CCDC85A: variants seen among roughly 807,000 people sequenced by gnomAD.
CCDC85A encodes the protein coiled-coil domain-containing protein 85A.
Under a neutral mutation model 50.2 loss-of-function variants are expected in CCDC85A, and 38 were observed. The observed-to-expected ratio is 0.76, with a 90% CI of 0.58 to 0.99. CCDC85A has a LOEUF of 0.99. CCDC85A is among the 50% of genes least tolerant of loss of function. The pLI is 0.00. For synonymous variants in CCDC85A, 366 were observed against 301.4 expected, an observed-to-expected ratio of 1.21 and a Z score of -2.22; for missense variants, 820 against 742.0, an observed-to-expected ratio of 1.11 and a Z score of -1.22.
At chr2:56,189,089 C>G (rs1295946004) in intron 1 of CCDC85A, among the ~76,000 whole-genome samples, 1 of 152,104 alleles carries the variant, frequency 6.6e-6, no homozygotes, top group Admixed American at 6.5e-5. Flanking sequence ...AATCTCTCCT[C>G]TTAGGTTCAT....
intron 2 of CCDC85A, among the ~76,000 whole-genome samples, chr2:56,236,834 T>C (rs1443174489): frequency 2.0e-5 from 3 of 152,132 alleles, no homozygotes; most frequent in African/African-American, 7.2e-5. Flanking sequence ...CCATTATCCT[T>C]ATTCCTGTTC....
chr2:56,362,609 T>C (rs1675588159), intron 3 of CCDC85A, among the ~76,000 whole-genome samples: 1 of 151,934 alleles, frequency 6.6e-6, no homozygotes, highest in Non-Finnish European at 1.5e-5. Context: ...TCTTTTTTTC[T>C]TTTTAAGATG....
chr2:56,218,250 T>C (rs1668171393), intron 2 of CCDC85A, among the ~76,000 whole-genome samples: 1 of 151,896 alleles, frequency 6.6e-6, no homozygotes, highest in Admixed American at 6.6e-5. Context: ...AACTGGACAC[T>C]GTAATCTCCA....
intron 2 of CCDC85A, among the ~76,000 whole-genome samples, chr2:56,207,039 A>G (rs1436766258): frequency 6.6e-6 from 1 of 152,196 alleles, no homozygotes; most frequent in African/African-American, 2.4e-5. Flanking sequence ...GTGAAAATCA[A>G]TAAACTAATT....
At chr2:56,231,682 GTC>G in intron 2 of CCDC85A, among the ~76,000 whole-genome samples, 1 of 152,190 alleles carries the variant, frequency 6.6e-6, no homozygotes, top group South Asian at 2.1e-4. Flanking sequence ...CTTTAGACGG[GTC>G]TCTCTATAAT....
chr2:56,287,178 T>C (rs13382999), intron 2 of CCDC85A, among the ~76,000 whole-genome samples: 30,179 of 152,134 alleles, frequency 0.2, 4,044 homozygotes, highest in African/African-American at 0.38. Flanking sequence ...TCTTCACTTT[T>C]GTAACCCAGA....
intron 2 of CCDC85A, among the ~76,000 whole-genome samples, chr2:56,266,864 A>G (rs933726962): frequency 6.6e-6 from 1 of 152,146 alleles, no homozygotes; most frequent in South Asian, 2.1e-4. Context: ...AATCTTTAAA[A>G]TACGTTAGCA....
chr2:56,321,487 A>G (rs906744326), intron 2 of CCDC85A, among the ~76,000 whole-genome samples: 19 of 152,174 alleles, frequency 1.2e-4, no homozygotes, highest in African/African-American at 4.3e-4. Flanking sequence ...ACGCATTCCT[A>G]TGCACTAATA....
rs185134643 is a variant in CCDC85A, at chr2:56,269,622, C to A, written c.1241-73257C>A. Among the ~76,000 whole-genome samples, 26 of 152,270 alleles carry A rather than the reference C, an allele frequency of 1.7e-4. No homozygotes were observed. In the East Asian group the frequency reaches 5.0e-3, roughly 29 times the overall value. On this transcript the variant is annotated intron_variant, in intron 2 of 5. Transcript: ENST00000407595. ...AGGGTATGGCACTTTCCCTCACCAA[C>A]AACTCCATCTCTCAGGCTCACATTC... is the stretch of plus-strand genomic sequence containing the variant.
chr2:56,379,883 T>G, intron 5 of CCDC85A: 1 of 710,484 alleles, frequency 1.4e-6, no homozygotes, highest in Non-Finnish European at 1.7e-6. Flanking sequence ...TATTCTGTGT[T>G]GAAAGCCACA....
intron 3 of CCDC85A, among the ~76,000 whole-genome samples, chr2:56,355,430 CTCTTTGT>C (rs1157407746): frequency 6.6e-6 from 1 of 152,154 alleles, no homozygotes; most frequent in Non-Finnish European, 1.5e-5. Context: ...TTTGGGAGAA[CTCTTTGT>C]CCTCAAACTT....
chr2:56,373,425 A>G (rs926691458), intron 4 of CCDC85A, among the ~76,000 whole-genome samples: 1 of 152,122 alleles, frequency 6.6e-6, no homozygotes, highest in Non-Finnish European at 1.5e-5. Context: ...CCAGAACAGG[A>G]CTTTGTTTAC....
chr2:56,365,126 A>G (rs1675726823), intron 3 of CCDC85A, among the ~76,000 whole-genome samples: 1 of 152,204 alleles, frequency 6.6e-6, no homozygotes, highest in South Asian at 2.1e-4. Context: ...GGAAGATAGA[A>G]CTAATTTTAT....
At position 56,326,287 on chromosome 2, in the gene CCDC85A, G is replaced by T. The variant is rs373819629; in HGVS notation, c.1241-16592G>T. Among the ~76,000 whole-genome samples, 23 of 152,180 alleles carry T rather than the reference G, an allele frequency of 1.5e-4. No homozygotes were observed. In the East Asian group the frequency reaches 4.4e-3, roughly 29 times the overall value. On this transcript the variant is annotated intron_variant, in intron 2 of 5. Coordinates refer to ENST00000407595, the MANE Select transcript of CCDC85A (RefSeq NM_001080433.2). ...ATAAGAATATTTGCCTCTTAGTTTT[G>T]CAGTGAAGATTAAATACATGTAAAA...
intron 3 of CCDC85A, among the ~76,000 whole-genome samples, chr2:56,369,652 A>G (rs1024445870): frequency 3.9e-5 from 6 of 152,174 alleles, no homozygotes; most frequent in African/African-American, 9.6e-5. Flanking sequence ...GTTTCCAACA[A>G]ATAGTTCTTG....
chr2:56,292,380 G>C (rs538228979), intron 2 of CCDC85A, among the ~76,000 whole-genome samples: 2 of 152,236 alleles, frequency 1.3e-5, no homozygotes, highest in East Asian at 3.9e-4. Flanking sequence ...ACCACATCCG[G>C]CCTGAGTTGC....
chr2:56,262,459 G>A (rs546250311), intron 2 of CCDC85A, among the ~76,000 whole-genome samples: 4 of 152,150 alleles, frequency 2.6e-5, no homozygotes, highest in South Asian at 4.1e-4. Flanking sequence ...GCTTCTAAGG[G>A]TTTTCTCATG....
intron 2 of CCDC85A, among the ~76,000 whole-genome samples, chr2:56,330,138 A>G (rs1673710895): frequency 6.6e-6 from 1 of 152,062 alleles, no homozygotes; most frequent in Non-Finnish European, 1.5e-5. Flanking sequence ...GGAAATGACA[A>G]TAACAGCAGC....
chr2:56,192,704 C>G lies in CCDC85A; in HGVS notation c.504C>G (p.Leu168=), dbSNP rs768615810. The part of the protein sequence containing the change: ...VVKENMELKE[L]CVLLDEEKGA... ...AGGAGAACATGGAGCTCAAGGAGCT[C>G]TGTGTGCTACTAGATGAGGAGAAGG... The change falls in exon 2 of 6, where the codon CTC becomes CTG. Residue 168 remains leucine (L), a synonymous_variant. Coordinates refer to ENST00000407595, the MANE Select transcript of CCDC85A (RefSeq NM_001080433.2). This position sits in a 1 kb window ranked among gnomAD's most constrained non-coding sequence, Gnocchi z 4.7. The G allele has an allele frequency of 6.8e-6, 11 of 1,613,732 alleles. No homozygotes were observed. The East Asian group carries it at 2.2e-4, about 33-fold the overall frequency.
Sources: allele counts gnomAD v4.1 joint callset (sites outside exome capture counted in the v4.1 genomes callset), GRCh38; gene constraint gnomAD v4.1.1; non-coding constraint Gnocchi (gnomAD v3.1); transcripts MANE v1.5; gene names NCBI Gene and HGNC (gene_info 2026-07-23, HGNC 2026-07-21).